Variants in DPY19L1 observed in about 807,000 individuals in gnomAD.
The protein encoded by DPY19L1 is dpy-19 like C-mannosyltransferase 1, also known as protein C-mannosyl-transferase DPY19L1.
In DPY19L1, 35 loss-of-function variants were observed where a neutral mutation model predicts 96.9. The observed-to-expected ratio is 0.36, with a 90% CI of 0.28 to 0.48. DPY19L1 has a LOEUF of 0.48. Among genes scored for constraint, DPY19L1 ranks in the 20% least tolerant of loss-of-function variants. The probability of loss-of-function intolerance (pLI) is 0.99; values close to 1 mark genes in which losing one functional copy is unlikely to be tolerated. For missense variants in DPY19L1, 521 were observed against 777.9 expected, an observed-to-expected ratio of 0.67 and a Z score of 3.93; for synonymous variants, 205 against 252.6, an observed-to-expected ratio of 0.81 and a Z score of 1.79.
intron 1 of DPY19L1, among the ~76,000 whole-genome samples, chr7:35,028,463 T>C (rs547622568): frequency 6.6e-6 from 1 of 152,368 alleles, no homozygotes; most frequent in East Asian, 1.9e-4. Context: ...TGTACAGATA[T>C]TAAATTAGGC....
At chr7:35,018,099 T>C (rs1359724824) in intron 2 of DPY19L1, 130 bp from the exon 3 acceptor site, 7 of 558,694 alleles carry the variant, frequency 1.3e-5, no homozygotes, top group Non-Finnish European at 2.1e-5. Flanking sequence ...TCAAATACAA[T>C]AGTATCTATA....
intron 21 of DPY19L1, among the ~76,000 whole-genome samples, chr7:34,933,319 C>T (rs899782937): frequency 4.6e-5 from 7 of 152,210 alleles, no homozygotes; most frequent in African/African-American, 1.4e-4. Context: ...GTCCACAGTC[C>T]GTACCATTAT....
At position 34,982,754 on chromosome 7, in the gene DPY19L1, C is replaced by T. The variant is rs1010249398; in HGVS notation, c.822+7130G>A. 3.9e-5 allele frequency among the ~76,000 whole-genome samples: 6 copies of T among 152,322 alleles called. No individual in the cohort carries two copies. The South Asian group carries it at 8.3e-4, about 21-fold the overall frequency. On this transcript the variant is annotated intron_variant, in intron 7 of 21. Transcript: ENST00000638088. ...ACACAAAAATGAGTATTTGTTGTGA[C>T]AGCCACCCCTCCCCCAACCTGGGAC...
rs1310374947 is a variant in DPY19L1 at position 35,011,292 on chromosome 7, C to T, written c.670+38G>A. 3 of 1,604,438 alleles carry T rather than the reference C, an allele frequency of 1.9e-6. No homozygotes were observed. In the East Asian group the frequency reaches 6.7e-5, roughly 36 times the overall value. ...TATGCTAGATAAGTTTATTATGTTA[C>T]AACAGATAACTGGACAATATTACAG... is the stretch of plus-strand genomic sequence containing the variant. On this transcript the variant is annotated intron_variant, in intron 5 of 21. Coordinates refer to ENST00000638088, the MANE Select transcript of DPY19L1 (RefSeq NM_001366673.1).
intron 1 of DPY19L1, among the ~76,000 whole-genome samples, chr7:35,029,024 C>T (rs1158099374): frequency 3.3e-5 from 5 of 152,144 alleles, no homozygotes; most frequent in Non-Finnish European, 7.3e-5. Context: ...GCTTCTTTAC[C>T]GCATGCTGTT....
Position 35,012,914 on chromosome 7 carries a change from T to C in DPY19L1, c.549+654A>G, listed in dbSNP as rs546358650. On this transcript the variant is annotated intron_variant, in intron 4 of 21. Coordinates refer to ENST00000638088, the MANE Select transcript of DPY19L1 (RefSeq NM_001366673.1). Reference sequence around the variant, plus strand: ...AAAGTAAAAATGCATTATGTATATATGTATGTGTGTTATATATACATATAT... The same window carrying C: ...AAAGTAAAAATGCATTATGTATATACGTATGTGTGTTATATATACATATAT... Among the ~76,000 whole-genome samples the C allele has an allele frequency of 1.2e-3, 189 of 151,290 alleles. 1 individual carries two copies. Among genetic ancestry groups the C allele is most frequent in the Admixed American group, 5.6e-3 (85 of 15,106 alleles).
rs187107901 is a variant in DPY19L1, at chr7:34,994,079, T to C, written c.765-4138A>G. Among the ~76,000 whole-genome samples the C allele has an allele frequency of 8.3e-4, 127 of 152,186 alleles. 1 individual carries two copies. Among genetic ancestry groups the C allele is most frequent in the African/African-American group, 2.9e-3 (120 of 41,530 alleles). On this transcript the variant is annotated intron_variant, in intron 6 of 21. Transcript: ENST00000638088. ...ACTGTCTCAAAAAATAAAAATTTTT[T>C]TGGACAACCAATGTAAGAGTCAAGT...
chr7:34,934,443 C>T (rs1480882340), intron 21 of DPY19L1, among the ~76,000 whole-genome samples: 1 of 152,178 alleles, frequency 6.6e-6, no homozygotes, highest in Non-Finnish European at 1.5e-5. Flanking sequence ...CTCATATGTA[C>T]TATTTAACCA....
chr7:34,988,815 G>A (rs954838084), intron 7 of DPY19L1, among the ~76,000 whole-genome samples: 2 of 151,620 alleles, frequency 1.3e-5, no homozygotes, highest in African/African-American at 4.9e-5. Context: ...ATCTAGAAAC[G>A]TTGACATTCT....
intron 6 of DPY19L1, among the ~76,000 whole-genome samples, chr7:34,991,130 A>G (rs1785158490): frequency 6.6e-6 from 1 of 152,240 alleles, no homozygotes; most frequent in South Asian, 2.1e-4. Context: ...CACAGAGCAG[A>G]AGACACAGCC....
chr7:34,972,806 A>G (rs758366830), intron 8 of DPY19L1, among the ~76,000 whole-genome samples: 100 of 152,322 alleles, frequency 6.6e-4, no homozygotes, highest in Non-Finnish European at 1.1e-3. Context: ...AGCTAATGCA[A>G]AAACATTACC....
At chr7:34,988,260 A>G (rs1294198777) in intron 7 of DPY19L1, 1 of 152,104 alleles carries the variant, frequency 6.6e-6, no homozygotes, top group Non-Finnish European at 1.5e-5. Context: ...AAAATTTTGA[A>G]TAACCTCTTT....
At chr7:35,019,152 G>A (rs899452956) in intron 1 of DPY19L1, among the ~76,000 whole-genome samples, 3 of 152,060 alleles carry the variant, frequency 2.0e-5, no homozygotes, top group Non-Finnish European at 4.4e-5. Context: ...ATCTGTCCAA[G>A]CAGAAAGAAC....
intron 6 of DPY19L1, among the ~76,000 whole-genome samples, chr7:35,005,565 G>A (rs768539510): frequency 3.4e-4 from 51 of 150,628 alleles, no homozygotes; most frequent in Admixed American, 1.9e-3. Flanking sequence ...TTGGGAGGCC[G>A]GGGTGGGTGG....
At chr7:35,030,526 G>T (rs1161071005) in intron 1 of DPY19L1, among the ~76,000 whole-genome samples, 1 of 152,110 alleles carries the variant, frequency 6.6e-6, no homozygotes, top group African/African-American at 2.4e-5. Context: ...GTTAACAATT[G>T]CTGCTTTAAT....
At chr7:34,939,168 A>T in intron 20 of DPY19L1, 108 bp downstream of exon 20, 1 of 931,212 alleles carries the variant, frequency 1.1e-6, no homozygotes, top group Non-Finnish European at 1.6e-6. Flanking sequence ...GATAAGCCTC[A>T]GTTCATCATA....
At chr7:34,998,429 A>G (rs1785342724) in intron 6 of DPY19L1, among the ~76,000 whole-genome samples, 3 of 152,184 alleles carry the variant, frequency 2.0e-5, no homozygotes, top group Admixed American at 2.0e-4. Flanking sequence ...ATCGCCAGAG[A>G]GGGGATGAAG....
chr7:34,997,147 T>C (rs903792632), intron 6 of DPY19L1, among the ~76,000 whole-genome samples: 10 of 152,080 alleles, frequency 6.6e-5, no homozygotes, highest in African/African-American at 2.4e-4. Context: ...GGGAAGGTTT[T>C]GGAGAAAAGA....
chr7:35,007,589 G>T (rs1361911503), intron 6 of DPY19L1, among the ~76,000 whole-genome samples: 1 of 105,154 alleles, frequency 9.5e-6, no homozygotes, highest in Non-Finnish European at 1.9e-5. Flanking sequence ...CACACGTGTG[G>T]TGTGTGTGTG....
Sources: gnomAD v4.1 joint callset for allele counts (sites outside exome capture counted in the v4.1 genomes callset) on GRCh38, gnomAD v4.1.1 for gene constraint, MANE v1.5 for transcripts, NCBI Gene and HGNC (gene_info 2026-07-23, HGNC 2026-07-21) for gene names.